CNTN3: variants seen among roughly 807,000 people sequenced by gnomAD.
CNTN3 encodes the protein contactin 3, also known as contactin-3.
Under a neutral mutation model 119.1 loss-of-function variants are expected in CNTN3, and 60 were observed. The observed-to-expected ratio is 0.50, with a 90% confidence interval of 0.41 to 0.62. The LOEUF (loss-of-function observed/expected upper bound fraction) is 0.62. Ranked by LOEUF, CNTN3 falls within the 20% of genes least tolerant of loss-of-function variation. CNTN3 has a pLI of 0.00. For missense variants in CNTN3, 1,101 were observed against 1,242.4 expected, an observed-to-expected ratio of 0.89 and a Z score of 1.71; for synonymous variants, 450 against 438.7, an observed-to-expected ratio of 1.03 and a Z score of -0.32.
At chr3:74,525,522 G>T (rs1703607203) in intron 1 of CNTN3, among the ~76,000 whole-genome samples, 1 of 151,636 alleles carries the variant, frequency 6.6e-6, no homozygotes, top group Non-Finnish European at 1.5e-5. Context: ...TAAATACAAA[G>T]GAAGCTACTG....
intron 5 of CNTN3, among the ~76,000 whole-genome samples, chr3:74,389,483 A>G (rs763820187): frequency 2.6e-5 from 4 of 152,206 alleles, no homozygotes; most frequent in Non-Finnish European, 5.9e-5. Context: ...ACATATACTG[A>G]GAAAAGTATT....
chr3:74,449,234 T>C (rs1390056922), intron 4 of CNTN3, among the ~76,000 whole-genome samples: 1 of 151,916 alleles, frequency 6.6e-6, no homozygotes, highest in African/African-American at 2.4e-5. Context: ...CCAACTGACA[T>C]CCTGCCACAA....
intron 1 of CNTN3, among the ~76,000 whole-genome samples, chr3:74,586,609 T>C (rs1704597172): frequency 6.6e-6 from 1 of 152,054 alleles, no homozygotes; most frequent in Non-Finnish European, 1.5e-5. Context: ...TCTGTGAGCC[T>C]CAATTTTCCC....
chr3:74,301,964 A>T (rs1702468592), intron 14 of CNTN3, among the ~76,000 whole-genome samples, 159 bp from the exon 15 acceptor site: 1 of 152,170 alleles, frequency 6.6e-6, no homozygotes, highest in Non-Finnish European at 1.5e-5. Flanking sequence ...TAATAGAACA[A>T]CTACTTCCCT....
At chr3:74,457,183 CTT>C (rs1575745234) in intron 4 of CNTN3, among the ~76,000 whole-genome samples, 1 of 151,752 alleles carries the variant, frequency 6.6e-6, no homozygotes, top group South Asian at 2.1e-4. Context: ...ATAAAATTGT[CTT>C]TGTTGGAAAA....
chr3:74,297,891 A>G, intron 18 of CNTN3, 66 bp downstream of exon 18: 1 of 1,268,238 alleles, frequency 7.9e-7, no homozygotes, highest in Non-Finnish European at 1.1e-6. Context: ...CGAGACTCCA[A>G]ATCAGTTTTT....
intron 13 of CNTN3, among the ~76,000 whole-genome samples, chr3:74,312,311 C>T (rs1423937472): frequency 6.6e-6 from 1 of 151,738 alleles, no homozygotes; most frequent in Non-Finnish European, 1.5e-5. Context: ...AAAAAACTAG[C>T]CAGGCGTGGT....
intron 5 of CNTN3, among the ~76,000 whole-genome samples, chr3:74,394,885 C>A (rs1255012483): frequency 6.6e-6 from 1 of 151,972 alleles, no homozygotes; most frequent in Admixed American, 6.6e-5. Context: ...CGTGGAAGTG[C>A]TCTGAATTCA....
intron 3 of CNTN3, among the ~76,000 whole-genome samples, chr3:74,495,047 G>A (rs867928068): frequency 6.6e-6 from 1 of 151,984 alleles, no homozygotes; most frequent in Non-Finnish European, 1.5e-5. Context: ...ATTCTTTAGT[G>A]TGTTTATGTT....
intron 4 of CNTN3, among the ~76,000 whole-genome samples, chr3:74,429,031 A>G (rs1459611202): frequency 6.6e-6 from 1 of 152,184 alleles, no homozygotes; most frequent in African/African-American, 2.4e-5. Context: ...GGGTATAATA[A>G]GTACATACTA....
At chr3:74,523,490 G>C (rs573926838) in intron 1 of CNTN3, among the ~76,000 whole-genome samples, 1 of 151,984 alleles carries the variant, frequency 6.6e-6, no homozygotes, top group South Asian at 2.1e-4. Context: ...GGTAAGACTA[G>C]AACACTGCAA....
intron 1 of CNTN3, among the ~76,000 whole-genome samples, chr3:74,567,003 T>C (rs952330847): frequency 6.6e-6 from 1 of 152,158 alleles, no homozygotes; most frequent in African/African-American, 2.4e-5. Context: ...GATGCCATTA[T>C]AGCAGTCCAT....
intron 16 of CNTN3, among the ~76,000 whole-genome samples, chr3:74,300,828 T>C (rs1030574685): frequency 6.6e-6 from 1 of 152,212 alleles, no homozygotes; most frequent in African/African-American, 2.4e-5. Flanking sequence ...ATGTACACTT[T>C]CTAGTTTGAG....
chr3:74,295,240 T>C lies in CNTN3; in HGVS notation c.2402-4A>G. On this transcript the variant is annotated splice_polypyrimidine_tract_variant and splice_region_variant and intron_variant, in intron 18 of 22. Transcript: ENST00000263665. ...TGAGATGGGGCCACTGTAGGCTCTG[T>C]TCGGAAACAGAAATTGAAATATGAT... 1 of 1,511,338 alleles carries C rather than the reference T, an allele frequency of 6.6e-7. No homozygotes were observed. The highest frequency in any genetic ancestry group is 9.1e-7 in the Non-Finnish European group (1 of 1,095,636). The allele number at this position is 1,511,338 out of a possible 1,614,324, so 93.6% of individuals were successfully genotyped here.
At chr3:74,349,606 A>G (rs973145977) in intron 11 of CNTN3, among the ~76,000 whole-genome samples, 3 of 152,242 alleles carry the variant, frequency 2.0e-5, no homozygotes, top group African/African-American at 7.2e-5. Flanking sequence ...TAAAACAGTC[A>G]ATTTTCTTAC....
intron 5 of CNTN3, among the ~76,000 whole-genome samples, chr3:74,405,830 G>A (rs1427728401): frequency 7.9e-5 from 12 of 151,946 alleles, no homozygotes; most frequent in Admixed American, 7.9e-4. Flanking sequence ...ATATTTATTT[G>A]TAAATGTGTG....
intron 1 of CNTN3, among the ~76,000 whole-genome samples, chr3:74,598,015 G>A (rs187963501): frequency 6.6e-6 from 1 of 152,100 alleles, no homozygotes; most frequent in East Asian, 1.9e-4. Flanking sequence ...TCCTTAGAGT[G>A]GAAGATTATA....
rs778473765 is a variant in CNTN3 at position 74,362,018 on chromosome 3, C to A, written c.1236G>T (p.Lys412Asn). 15 of 1,613,366 alleles carry A rather than the reference C, an allele frequency of 9.3e-6. No homozygotes were observed. The highest frequency in any genetic ancestry group is 4.4e-5 in the South Asian group (4 of 91,012). The change falls in exon 11 of 23, where the codon AAG becomes AAT. Residue 412 changes from lysine (K) to asparagine (N), a missense_variant. Lys to Asn is a moderately conservative substitution (Grantham distance 94). Transcript: ENST00000263665. ...CCTGAACCAACTTCTTCATTGGATT[C>A]TTTGAAAAATCTGGAGCAGAAGCTG... ...KVVASAPDFS[K>N]NPMKKLVQVQ...
In CNTN3 at chr3:74,555,582, A is replaced by G. The variant is rs565533199; in HGVS notation, c.-80-34390T>C. Among the ~76,000 whole-genome samples, 6 of 152,266 alleles carry G rather than the reference A, an allele frequency of 3.9e-5. No individual in the cohort carries two copies. In the East Asian group the frequency reaches 9.7e-4, roughly 25 times the overall value. On this transcript the variant is annotated intron_variant, in intron 1 of 22. Coordinates refer to ENST00000263665, the MANE Select transcript of CNTN3 (RefSeq NM_020872.3). ...TGGTAGGCTATTAATTATTGCCTCA[A>G]TTTCAGAACCTGTTATTGGCCTATT... is the stretch of plus-strand genomic sequence containing the variant.
Sources: allele counts gnomAD v4.1 joint callset (sites outside exome capture counted in the v4.1 genomes callset), GRCh38; gene constraint gnomAD v4.1.1; transcripts MANE v1.5; gene names NCBI Gene and HGNC (gene_info 2026-07-23, HGNC 2026-07-21).